CNTROB: variants seen among roughly 807,000 people sequenced by gnomAD.
CNTROB encodes the protein centrobin.
Under a neutral mutation model 115.7 loss-of-function variants are expected in CNTROB, and 82 were observed. The observed-to-expected ratio is 0.71, with a 90% CI of 0.59 to 0.85. CNTROB has a LOEUF of 0.85. Among genes scored for constraint, CNTROB ranks in the 40% least tolerant of loss-of-function variants. The probability of loss-of-function intolerance (pLI) is 0.00; values close to 1 mark genes in which losing one functional copy is unlikely to be tolerated. For missense variants in CNTROB, 1,014 were observed against 1,144.4 expected (o/e 0.89, Z 1.64); for synonymous variants, 439 against 456.4 (o/e 0.96, Z 0.49).
rs559480571 is a variant in CNTROB, at chr17:7,946,453, C to T, written c.1993+467C>T. Among the ~76,000 whole-genome samples the T allele has an allele frequency of 1.2e-3, 190 of 152,268 alleles. 3 individuals are homozygous for T. In the South Asian group the frequency reaches 0.027, roughly 22 times the overall value. On this transcript the variant is annotated intron_variant, in intron 13 of 18. Coordinates refer to ENST00000563694, the MANE Select transcript of CNTROB (RefSeq NM_053051.5). ...TTTTTTTAGGTCCAGTTTAAAGAGG[C>T]CATCTGATTGGATTGGCTGACCTTG...
intron 1 of CNTROB, 82 bp from the exon 2 acceptor site, chr17:7,934,056 C>A: frequency 8.6e-7 from 1 of 1,162,638 alleles, no homozygotes; most frequent in South Asian, 1.2e-5. Flanking sequence ...TTCCAAAGTG[C>A]TGGAGTGAAA....
At position 7,945,755 on chromosome 17, in the gene CNTROB, G is replaced by A. The variant is rs772953824; in HGVS notation, c.1762G>A (p.Gly588Arg). The A allele has an allele frequency of 3.8e-5, 62 of 1,614,012 alleles. No individual in the cohort carries two copies. Among genetic ancestry groups the A allele is most frequent in the African/African-American group, 5.3e-5 (4 of 74,890 alleles). ...TCCTCCTGCTGGACCCTCCAGCCCC[G>A]GGCCTCAGGAGCCCGAGAAGGAGGA... ...PAPPAGPSSP[G>R]PQEPEKEERR... The change falls in exon 13 of 19, where the codon GGG becomes AGG. Residue 588 changes from glycine (G) to arginine (R), a missense_variant. Transcript: ENST00000563694.
chr17:7,949,802 AC>A lies in CNTROB; in HGVS notation c.*293del, dbSNP rs1463447968. The A allele has an allele frequency of 9.9e-6, 3 of 303,960 alleles. No homozygotes were observed. Among genetic ancestry groups the A allele is most frequent in the Admixed American group, 1.0e-4 (2 of 19,962 alleles). 18.8% of individuals were successfully genotyped at this position (303,960 alleles called of 1,614,324 possible). On this transcript the variant is annotated 3_prime_UTR_variant, in exon 19 of 19. Coordinates refer to ENST00000563694, the MANE Select transcript of CNTROB (RefSeq NM_053051.5). ...AAAGCTAAAACCTGCAGAGCAATGA[AC>A]TCTGGGTGGTAGTGGAATTATGGGT...
chr17:7,944,248 G>A lies in CNTROB; in HGVS notation c.1571G>A (p.Arg524Lys), dbSNP rs1004698241. ...CAGGTGGCTGAGGACTACGAGCTCA[G>A]GTCCTGGTCCCCAGAGTGCCCCTTT... Reference protein sequence around the residue: ...QQQVAEDYELRLAREQARVCE... With the variant: ...QQQVAEDYELKLAREQARVCE... Residue 524 changes from arginine to lysine, a missense_variant and splice_region_variant, in exon 11 of 19, where the codon AGA (arginine) becomes AAA (lysine). Arg to Lys is a conservative substitution (Grantham distance 26). Coordinates refer to ENST00000563694, the MANE Select transcript of CNTROB (RefSeq NM_053051.5). The surrounding 1 kb of genome is among the most constrained non-coding windows in gnomAD (Gnocchi z 4.0). The A allele has an allele frequency of 1.2e-6, 2 of 1,613,926 alleles. No homozygotes were observed. Among genetic ancestry groups the A allele is most frequent in the African/African-American group, 2.7e-5 (2 of 75,040 alleles).
intron 9 of CNTROB, among the ~76,000 whole-genome samples, chr17:7,942,596 C>T (rs1197820162): frequency 3.5e-5 from 2 of 56,482 alleles, no homozygotes; most frequent in Non-Finnish European, 6.1e-5. Context: ...GACTCCATCT[C>T]AAAAAAAAAA....
In CNTROB at chr17:7,949,750, A is replaced by G. The variant is rs1400275516; in HGVS notation, c.*240A>G. On this transcript the variant is annotated 3_prime_UTR_variant, in exon 19 of 19. Coordinates refer to ENST00000563694, the MANE Select transcript of CNTROB (RefSeq NM_053051.5). ...AGACGGTCTATGACAAGATTTGGAAAGTTGGGGCGGCTAAGATTCAGTGGA... is the reference window on the plus strand; with the variant it reads ...AGACGGTCTATGACAAGATTTGGAAGGTTGGGGCGGCTAAGATTCAGTGGA... 1 of 388,848 alleles carries G rather than the reference A, an allele frequency of 2.6e-6. No homozygotes were observed. Among genetic ancestry groups the G allele is most frequent in the Non-Finnish European group, 4.5e-6 (1 of 222,382 alleles). 24.1% of individuals were successfully genotyped at this position (388,848 alleles called of 1,614,324 possible). A position where few individuals can be genotyped will look rare whatever the true frequency, so the allele number is the denominator to read the frequency against.
intron 4 of CNTROB, 130 bp downstream of exon 4, chr17:7,935,275 A>G (rs1973023330): frequency 7.2e-7 from 1 of 1,390,960 alleles, no homozygotes; most frequent in Non-Finnish European, 9.9e-7. Context: ...AGGCTGAGGC[A>G]GGCGGATCAC....
rs554714807 is a variant in CNTROB, at chr17:7,940,730, ATTGT to A, written c.1311+493_1311+496del. Among the ~76,000 whole-genome samples, 191 of 152,300 alleles carry A rather than the reference ATTGT, an allele frequency of 1.3e-3. 2 individuals are homozygous for A. In the Middle Eastern group the frequency reaches 0.024, roughly 19 times the overall value. The stretch of plus-strand genomic sequence containing the variant: ...GCCTGGCACAGAATTGTACTCAAAA[ATTGT>A]TTGTCAGATATAATTACACTTTGAA... On this transcript the variant is annotated intron_variant, in intron 9 of 18. Coordinates refer to ENST00000563694, the MANE Select transcript of CNTROB (RefSeq NM_053051.5).
chr17:7,943,265 G>A lies in CNTROB; in HGVS notation c.1312-126G>A, dbSNP rs1316494200. 1.6e-6 allele frequency: 1 copy of A among 623,690 alleles called. No homozygotes were observed. The highest frequency in any genetic ancestry group is 2.7e-6 in the Non-Finnish European group (1 of 364,482). 38.6% of individuals were successfully genotyped at this position (623,690 alleles called of 1,614,324 possible). On this transcript the variant is annotated intron_variant, in intron 9 of 18. Coordinates refer to ENST00000563694, the MANE Select transcript of CNTROB (RefSeq NM_053051.5). This position sits in a 1 kb window ranked among gnomAD's most constrained non-coding sequence, Gnocchi z 4.7. ...AAGGGAACCTCTTTCACTCCTTGAG[G>A]CAAAATTCTTGTTCTTCATCTCATA...
chr17:7,939,444 G>A lies in CNTROB; in HGVS notation c.928-69G>A. On this transcript the variant is annotated intron_variant, in intron 7 of 18. Transcript: ENST00000563694. This position sits in a 1 kb window ranked among gnomAD's most constrained non-coding sequence, Gnocchi z 4.4. ...AATTCTCAGCAGGCACCTTGTATGA[G>A]GGTCAGAGGGCAGATCGCTGGTCTC... 1.6e-6 allele frequency: 2 copies of A among 1,289,936 alleles called. No individual in the cohort carries two copies. The highest frequency in any genetic ancestry group is 1.3e-5 in the South Asian group (1 of 79,708). The allele number at this position is 1,289,936 out of a possible 1,614,324, so 79.9% of individuals were successfully genotyped here.
In CNTROB at chr17:7,948,404, C is replaced by T; in HGVS notation, c.2380+77C>T. 2 of 1,607,734 alleles carry T rather than the reference C, an allele frequency of 1.2e-6. No homozygotes were observed. The highest frequency in any genetic ancestry group is 1.7e-6 in the Non-Finnish European group (2 of 1,174,680). ...GGATCCAGTACAGGCACTTACAGTC[C>T]TTCTGAATTCCTGGGGAAATGGGCT... On this transcript the variant is annotated intron_variant, in intron 16 of 18. Coordinates refer to ENST00000563694, the MANE Select transcript of CNTROB (RefSeq NM_053051.5). This position sits in a 1 kb window ranked among gnomAD's most constrained non-coding sequence, Gnocchi z 4.4.
chr17:7,949,524 C>T lies in CNTROB; in HGVS notation c.*14C>T, dbSNP rs1974980479. 1 of 1,595,480 alleles carries T rather than the reference C, an allele frequency of 6.3e-7. No individual in the cohort carries two copies. Among genetic ancestry groups the T allele is most frequent in the Non-Finnish European group, 8.5e-7 (1 of 1,172,196 alleles). ...GTCTGGAGATGAGCCCCCCTACCCT[C>T]TCTCCTCTTTGTTCTCTCATTGTTG... is the stretch of plus-strand genomic sequence containing the variant. On this transcript the variant is annotated 3_prime_UTR_variant, in exon 19 of 19. Coordinates refer to ENST00000563694, the MANE Select transcript of CNTROB (RefSeq NM_053051.5).
Position 7,944,136 on chromosome 17 carries a change from G to A in CNTROB, c.1459G>A (p.Asp487Asn). 3.1e-6 allele frequency: 5 copies of A among 1,610,432 alleles called. No individual in the cohort carries two copies. The highest frequency in any genetic ancestry group is 4.2e-6 in the Non-Finnish European group (5 of 1,176,710). Residue 487 changes from aspartate (D) to asparagine (N), a missense_variant, in exon 11 of 19, where the codon GAC becomes AAC. Coordinates refer to ENST00000563694, the MANE Select transcript of CNTROB (RefSeq NM_053051.5). The surrounding 1 kb of genome is among the most constrained non-coding windows in gnomAD (Gnocchi z 4.0). Reference sequence around the variant, plus strand: ...TGTGCCCTGTAGGAAGCAGCTGCAGGACCTGAGTGGACAGCACCAGCAGGA... The same window carrying A: ...TGTGCCCTGTAGGAAGCAGCTGCAGAACCTGAGTGGACAGCACCAGCAGGA... ...LREHHRKQLQ[D>N]LSGQHQQELA... is the part of the protein sequence containing the mutation.
intron 12 of CNTROB, 187 bp from the exon 13 acceptor site, chr17:7,945,541 G>A: frequency 3.4e-6 from 2 of 594,778 alleles, no homozygotes; most frequent in South Asian, 4.6e-5. Flanking sequence ...TTGTAGAGAT[G>A]GCATCTCTCT....
At chr17:7,940,760 AAAC>A (rs1175410964) in intron 9 of CNTROB, among the ~76,000 whole-genome samples, 1 of 152,246 alleles carries the variant, frequency 6.6e-6, no homozygotes, top group Non-Finnish European at 1.5e-5. Flanking sequence ...ACACTTTGAA[AAAC>A]TCTTTCCATC....
chr17:7,944,638 A>G lies in CNTROB; in HGVS notation c.1734A>G (p.Pro578=). Reference sequence around the variant, plus strand: ...CCACTCTCCCGCCGCCCAACCCTCCAGTACGCCTTACCCCTTGAGCTAAGC... The same window carrying G: ...CCACTCTCCCGCCGCCCAACCCTCCGGTACGCCTTACCCCTTGAGCTAAGC... ...LSTTLPPPNP[P]APPAGPSSPG... Residue 578 remains proline (P), a splice_region_variant and synonymous_variant, in exon 12 of 19, where the codon CCA becomes CCG. Transcript: ENST00000563694. This position sits in a 1 kb window ranked among gnomAD's most constrained non-coding sequence, Gnocchi z 4.0. The G allele has an allele frequency of 2.5e-6, 4 of 1,605,328 alleles. No individual in the cohort carries two copies. The highest frequency in any genetic ancestry group is 3.4e-6 in the Non-Finnish European group (4 of 1,174,788).
At position 7,949,112 on chromosome 17, in the gene CNTROB, C is replaced by T. The variant is rs958494190; in HGVS notation, c.2541C>T (p.Pro847=). The stretch of plus-strand genomic sequence containing the variant: ...CTGATGGCCGAGGGGATAATGTCCC[C>T]AGAAGGAACACAGACTCCCGCTTGG... The part of the protein sequence containing the change: ...SGTDGRGDNV[P]RRNTDSRLGE... The change falls in exon 18 of 19, where the codon CCC becomes CCT. Residue 847 remains proline, a synonymous_variant. Transcript: ENST00000563694. 3 of 1,613,964 alleles carry T rather than the reference C, an allele frequency of 1.9e-6. No individual in the cohort carries two copies. The highest frequency in any genetic ancestry group is 2.5e-6 in the Non-Finnish European group (3 of 1,179,992).
intron 9 of CNTROB, among the ~76,000 whole-genome samples, chr17:7,942,661 C>T (rs1701763918): frequency 6.8e-6 from 1 of 146,924 alleles, no homozygotes; most frequent in African/African-American, 2.5e-5. Flanking sequence ...ACGTGGAAAT[C>T]AGATTTTAGT....
intron 2 of CNTROB, 43 bp from the exon 3 acceptor site, chr17:7,934,422 C>A: frequency 6.3e-7 from 1 of 1,590,506 alleles, no homozygotes; most frequent in Non-Finnish European, 8.6e-7. Flanking sequence ...CTGTTTTTGT[C>A]ATTACCTGAC....
Sources: allele counts gnomAD v4.1 joint callset (sites outside exome capture counted in the v4.1 genomes callset), GRCh38; gene constraint gnomAD v4.1.1; non-coding constraint Gnocchi (gnomAD v3.1); transcripts MANE v1.5; gene names NCBI Gene and HGNC (gene_info 2026-07-23, HGNC 2026-07-21).